Variants in VTI1A observed in about 807,000 individuals in gnomAD.
VTI1A encodes the protein vesicle transport through interaction with t-SNAREs 1A, also known as vesicle transport through interaction with t-SNAREs homolog 1A.
A neutral mutation model predicts 34.9 loss-of-function variants in VTI1A; 22 were observed. The observed-to-expected ratio is 0.63, with a 90% CI of 0.45 to 0.90. The LOEUF (loss-of-function observed/expected upper bound fraction) is 0.90. VTI1A is among the 40% of genes least tolerant of loss of function. The probability of loss-of-function intolerance (pLI) is 0.00; values close to 1 mark genes in which losing one functional copy is unlikely to be tolerated. For synonymous variants in VTI1A, 87 were observed against 97.3 expected (o/e 0.89, Z 0.62); for missense variants, 268 against 275.6 (o/e 0.97, Z 0.20).
intron 5 of VTI1A, among the ~76,000 whole-genome samples, chr10:112,541,244 T>C (rs2134263393): frequency 6.6e-6 from 1 of 152,256 alleles, no homozygotes; most frequent in East Asian, 1.9e-4. Flanking sequence ...ATATACTGAA[T>C]TGGAGAGAGA....
intron 3 of VTI1A, among the ~76,000 whole-genome samples, chr10:112,516,381 C>A (rs1589851683): frequency 6.6e-6 from 1 of 152,040 alleles, no homozygotes; most frequent in Non-Finnish European, 1.5e-5. Flanking sequence ...CTGTTGCTTA[C>A]CATTTTCCCA....
At chr10:112,497,816 A>T (rs982029296) in intron 3 of VTI1A, among the ~76,000 whole-genome samples, 1 of 152,168 alleles carries the variant, frequency 6.6e-6, no homozygotes, top group Non-Finnish European at 1.5e-5. Context: ...AGCTCTAGAA[A>T]ACAGACCTGG....
chr10:112,630,278 C>T (rs187820324), intron 5 of VTI1A, among the ~76,000 whole-genome samples: 1 of 152,190 alleles, frequency 6.6e-6, no homozygotes, highest in Non-Finnish European at 1.5e-5. Flanking sequence ...AAAATCCTCA[C>T]TCTGAAATTC....
At chr10:112,657,915 C>G (rs755406579) in intron 5 of VTI1A, among the ~76,000 whole-genome samples, 5 of 151,800 alleles carry the variant, frequency 3.3e-5, no homozygotes, top group Non-Finnish European at 5.9e-5. Flanking sequence ...TGTTTGTTTT[C>G]TTTTTAATTC....
intron 1 of VTI1A, chr10:112,449,744 A>T (rs1847162206): frequency 6.6e-6 from 1 of 152,136 alleles, no homozygotes; most frequent in African/African-American, 2.4e-5. Context: ...CAAGAGCGAA[A>T]CTGTCTCAAT....
At chr10:112,484,397 TG>T (rs1371847859) in intron 3 of VTI1A, among the ~76,000 whole-genome samples, 2 of 152,244 alleles carry the variant, frequency 1.3e-5, no homozygotes, top group Non-Finnish European at 2.9e-5. Context: ...TTTGGAATAT[TG>T]GGCTCAACTT....
chr10:112,537,827 C>T (rs1049614936), intron 4 of VTI1A, among the ~76,000 whole-genome samples: 1 of 152,174 alleles, frequency 6.6e-6, no homozygotes, highest in African/African-American at 2.4e-5. Flanking sequence ...AAATTTCTAT[C>T]TGCAAGAATC....
chr10:112,635,274 T>G (rs1416353042), intron 5 of VTI1A, among the ~76,000 whole-genome samples: 1 of 152,174 alleles, frequency 6.6e-6, no homozygotes, highest in African/African-American at 2.4e-5. Flanking sequence ...AGGAGAAAGA[T>G]CCCTTTGGTA....
intron 7 of VTI1A, among the ~76,000 whole-genome samples, chr10:112,674,832 A>G (rs753755188): frequency 6.6e-5 from 10 of 152,206 alleles, no homozygotes; most frequent in Non-Finnish European, 1.3e-4. Context: ...GACACACTAC[A>G]CAAGGTTCCC....
At chr10:112,647,596 T>C (rs1289887193) in intron 5 of VTI1A, among the ~76,000 whole-genome samples, 1 of 152,204 alleles carries the variant, frequency 6.6e-6, no homozygotes, top group Non-Finnish European at 1.5e-5. Context: ...AACTATGATA[T>C]GTGTGGACTA....
At chr10:112,682,347 A>G (rs1848244796) in intron 7 of VTI1A, among the ~76,000 whole-genome samples, 1 of 152,164 alleles carries the variant, frequency 6.6e-6, no homozygotes, top group South Asian at 2.1e-4. Context: ...TTCTTCCCTG[A>G]ATTACATGTT....
chr10:112,559,337 T>G (rs1314096638), intron 5 of VTI1A, among the ~76,000 whole-genome samples: 1 of 152,240 alleles, frequency 6.6e-6, no homozygotes, highest in East Asian at 1.9e-4. Flanking sequence ...TCATACATAA[T>G]AATGAATGCT....
the VTI1A span, among the ~76,000 whole-genome samples, chr10:112,835,747 C>A: frequency 6.6e-6 from 1 of 151,778 alleles, no homozygotes; most frequent in African/African-American, 2.4e-5. Flanking sequence ...CAAATGTCTT[C>A]AATGAGATAA....
At position 112,817,778 on chromosome 10, in the gene VTI1A, G is replaced by T. The variant is rs1853566503; in HGVS notation, c.*2395G>T. On this transcript the variant is annotated 3_prime_UTR_variant, in exon 8 of 8. Coordinates refer to ENST00000393077, the MANE Select transcript of VTI1A (RefSeq NM_145206.4). ...TGAAGTAGATCTGTGAGAGGTTCTA[G>T]GTACTTAGTGTGTAGACTTTGACGA... The T allele has an allele frequency of 4.3e-6, 1 of 231,372 alleles. No individual in the cohort carries two copies. Among genetic ancestry groups the T allele is most frequent in the South Asian group, 1.8e-4 (1 of 5,524 alleles). The allele number at this position is 231,372 out of a possible 1,614,324, so 14.3% of individuals were successfully genotyped here.
At chr10:112,507,956 G>A (rs1359488733) in intron 3 of VTI1A, among the ~76,000 whole-genome samples, 1 of 152,192 alleles carries the variant, frequency 6.6e-6, no homozygotes, top group Non-Finnish European at 1.5e-5. Flanking sequence ...ATGATGTTCT[G>A]GAATGTAGTT....
At chr10:112,566,834 A>G (rs1468006787) in intron 5 of VTI1A, among the ~76,000 whole-genome samples, 2 of 152,164 alleles carry the variant, frequency 1.3e-5, no homozygotes, top group African/African-American at 4.8e-5. Flanking sequence ...AAGGGTTTAT[A>G]GAAAGTATAT....
intron 7 of VTI1A, among the ~76,000 whole-genome samples, chr10:112,804,924 G>T (rs545093346): frequency 7.7e-6 from 1 of 129,324 alleles, no homozygotes; most frequent in Non-Finnish European, 1.5e-5. Context: ...GCAGTCGTGC[G>T]ATCACAGGTC....
intron 7 of VTI1A, among the ~76,000 whole-genome samples, chr10:112,723,245 G>A (rs1391863488): frequency 6.6e-6 from 1 of 152,170 alleles, no homozygotes; most frequent in Admixed American, 6.5e-5. Context: ...CCTGCTAGGT[G>A]TTAGAAGCTA....
chr10:112,823,178 G>C (rs1402179437), downstream of VTI1A, among the ~76,000 whole-genome samples: 1 of 152,214 alleles, frequency 6.6e-6, no homozygotes, highest in Admixed American at 6.5e-5. Flanking sequence ...GAGCCCCGCT[G>C]AGGCTGAGTA....
Sources: allele counts gnomAD v4.1 joint callset (sites outside exome capture counted in the v4.1 genomes callset), GRCh38; gene constraint gnomAD v4.1.1; transcripts MANE v1.5; gene names NCBI Gene and HGNC (gene_info 2026-07-23, HGNC 2026-07-21).